SCMH1: variants seen among roughly 807,000 people sequenced by gnomAD.
The protein encoded by SCMH1 is polycomb protein SCMH1.
A neutral mutation model predicts 70.8 loss-of-function variants in SCMH1; 37 were observed. The observed-to-expected ratio is 0.52, with a 90% CI of 0.40 to 0.69. The LOEUF is 0.69. Ranked by LOEUF, SCMH1 falls within the 30% of genes least tolerant of loss-of-function variation. The probability of loss-of-function intolerance (pLI) is 0.00; values close to 1 mark genes in which losing one functional copy is unlikely to be tolerated. For synonymous variants in SCMH1, 292 were observed against 307.4 expected, an observed-to-expected ratio of 0.95 and a Z score of 0.52; for missense variants, 607 against 827.3, an observed-to-expected ratio of 0.73 and a Z score of 3.27.
At chr1:41,178,734 G>C (rs1335108109) in intron 2 of SCMH1, among the ~76,000 whole-genome samples, 3 of 152,158 alleles carry the variant, frequency 2.0e-5, no homozygotes, top group African/African-American at 7.2e-5. Flanking sequence ...GATTCATAAA[G>C]CAAGTCCTTA....
At chr1:41,227,059 G>C (rs1362074061) in intron 1 of SCMH1, among the ~76,000 whole-genome samples, 1 of 152,218 alleles carries the variant, frequency 6.6e-6, no homozygotes, top group Non-Finnish European at 1.5e-5. Flanking sequence ...CACGGATCAT[G>C]TTAGCTCTGC....
chr1:41,173,420 C>T (rs975173790), intron 2 of SCMH1, among the ~76,000 whole-genome samples: 2 of 152,148 alleles, frequency 1.3e-5, no homozygotes, highest in Non-Finnish European at 2.9e-5. Context: ...AATGAAATAT[C>T]ATCTTACCCT....
rs560833881 is a variant in SCMH1 at position 41,029,014 on chromosome 1, G to T, written c.1679-288C>A. ...GACAGTGGTACCAACATGGTAAGGG[G>T]ACTATTTGGGTGTCTGGGGGGCCTG... On this transcript the variant is annotated intron_variant, in intron 13 of 14. Coordinates refer to ENST00000337495, the Ensembl canonical transcript of SCMH1. Among the ~76,000 whole-genome samples the T allele has an allele frequency of 5.3e-5, 8 of 152,274 alleles. No individual in the cohort carries two copies. In the South Asian group the frequency reaches 8.3e-4, roughly 16 times the overall value.
At chr1:41,039,177 T>C (rs994108392) in intron 12 of SCMH1, among the ~76,000 whole-genome samples, 1 of 152,224 alleles carries the variant, frequency 6.6e-6, no homozygotes, top group Non-Finnish European at 1.5e-5. Flanking sequence ...GGGATAGTAT[T>C]GTCTGCCTCA....
chr1:41,042,729 C>G (rs1055523232), intron 12 of SCMH1, among the ~76,000 whole-genome samples: 1 of 152,224 alleles, frequency 6.6e-6, no homozygotes, highest in Non-Finnish European at 1.5e-5. Flanking sequence ...TCACCACATA[C>G]ATGTTCACAT....
chr1:41,173,652 T>C (rs1646930634), intron 2 of SCMH1, among the ~76,000 whole-genome samples: 1 of 151,902 alleles, frequency 6.6e-6, no homozygotes, highest in Non-Finnish European at 1.5e-5. Context: ...GTCGAAGAGT[T>C]ATCTGCACTC....
chr1:41,130,826 CA>C, intron 6 of SCMH1, among the ~76,000 whole-genome samples: 1 of 152,338 alleles, frequency 6.6e-6, no homozygotes, highest in South Asian at 2.1e-4. Context: ...CTGGAAACCA[CA>C]AATCTACTTT....
rs118018211 is a variant in SCMH1, at chr1:41,202,718, T to C, written c.-117-16468A>G. ...TCAGCAAGGGAATAGGAGGTAGGAG[T>C]AATATGATGGGGAGGGAGGCTCCAC... On this transcript the variant is annotated intron_variant, in intron 1 of 14. Transcript: ENST00000337495. Among the ~76,000 whole-genome samples, 119 of 151,966 alleles carry C rather than the reference T, an allele frequency of 7.8e-4. 1 individual carries two copies. In the East Asian group the frequency reaches 0.022, roughly 28 times the overall value.
At chr1:41,097,535 C>A (rs887842902) in intron 8 of SCMH1, among the ~76,000 whole-genome samples, 8 of 152,182 alleles carry the variant, frequency 5.3e-5, no homozygotes, top group African/African-American at 1.9e-4. Flanking sequence ...GTGGCACGAT[C>A]ATAGTTCACT....
At chr1:41,185,516 A>T (rs1488271622) in intron 2 of SCMH1, among the ~76,000 whole-genome samples, 1 of 152,194 alleles carries the variant, frequency 6.6e-6, no homozygotes, top group East Asian at 1.9e-4. Flanking sequence ...TGTGGCTACT[A>T]CAAAACTTTA....
In SCMH1 at chr1:41,113,088, G is replaced by A. The variant is rs1051152703; in HGVS notation, c.745+195C>T. 6.6e-6 allele frequency among the ~76,000 whole-genome samples: 1 copy of A among 152,208 alleles called. No individual in the cohort carries two copies. Among genetic ancestry groups the A allele is most frequent in the Non-Finnish European group, 1.5e-5 (1 of 68,042 alleles). ...TACTTTATCCCAAATGCCATATGCG[G>A]TTTCATTTGACACTTAATACTTAAC... On this transcript the variant is annotated intron_variant, in intron 8 of 14. Transcript: ENST00000337495. The surrounding 1 kb of genome is among the most constrained non-coding windows in gnomAD (Gnocchi z 4.3).
rs892856545 is a variant in SCMH1 at position 41,028,400 on chromosome 1, T to G, written c.1822-81A>C. The G allele has an allele frequency of 1.9e-6, 3 of 1,571,012 alleles. No homozygotes were observed. In the East Asian group the frequency reaches 6.7e-5, roughly 35 times the overall value. On this transcript the variant is annotated intron_variant, in intron 14 of 14. Transcript: ENST00000337495. ...TGGTCTGACCACCCCAGGTTCTGAT[T>G]ATAGGCCATCCTGGGAAGTGCCCGC... is the stretch of plus-strand genomic sequence containing the variant.
intron 8 of SCMH1, among the ~76,000 whole-genome samples, chr1:41,094,705 A>G (rs1474927244): frequency 6.6e-6 from 1 of 152,066 alleles, no homozygotes; most frequent in East Asian, 1.9e-4. Context: ...CCTGGCCAAC[A>G]TGATGAAACC....
rs368416914 is a variant in SCMH1 at position 41,096,632 on chromosome 1, C to A, written c.745+16651G>T. ...AAGAAATAAAACACTCATCAGGCAA[C>A]TACGGCAAAATGATACTCTTGACCC... is the stretch of plus-strand genomic sequence containing the variant. On this transcript the variant is annotated intron_variant, in intron 8 of 14. Coordinates refer to ENST00000337495, the Ensembl canonical transcript of SCMH1. Among the ~76,000 whole-genome samples, 7 of 152,258 alleles carry A rather than the reference C, an allele frequency of 4.6e-5. No homozygotes were observed. The East Asian group carries it at 1.4e-3, about 29-fold the overall frequency.
At chr1:41,173,008 C>T (rs1165145567) in intron 2 of SCMH1, among the ~76,000 whole-genome samples, 6 of 152,010 alleles carry the variant, frequency 3.9e-5, no homozygotes, top group African/African-American at 1.2e-4. Context: ...AGGAGAAATG[C>T]TTCAAGACAT....
At chr1:41,238,928 T>C (rs986459326) in intron 1 of SCMH1, among the ~76,000 whole-genome samples, 3 of 152,164 alleles carry the variant, frequency 2.0e-5, no homozygotes, top group African/African-American at 4.8e-5. Flanking sequence ...ATATCCTCCT[T>C]AGTCATCCAA....
At chr1:41,123,997 T>C (rs1476325118) in intron 6 of SCMH1, among the ~76,000 whole-genome samples, 2 of 152,118 alleles carry the variant, frequency 1.3e-5, no homozygotes, top group African/African-American at 4.8e-5. Flanking sequence ...TAGAAAGAAG[T>C]CCAGAGAAGG....
intron 1 of SCMH1, among the ~76,000 whole-genome samples, chr1:41,218,473 C>A (rs756016161): frequency 6.6e-6 from 1 of 152,000 alleles, no homozygotes; most frequent in Non-Finnish European, 1.5e-5. Flanking sequence ...ACTGCAAGCC[C>A]AGGAACACCA....
At chr1:41,107,433 G>T (rs1377336244) in intron 8 of SCMH1, among the ~76,000 whole-genome samples, 2 of 151,874 alleles carry the variant, frequency 1.3e-5, no homozygotes, top group Non-Finnish European at 2.9e-5. Context: ...CAGTCTATCA[G>T]GTGACCTCAT....
Sources: gnomAD v4.1 joint callset for allele counts (sites outside exome capture counted in the v4.1 genomes callset) on GRCh38, gnomAD v4.1.1 for gene constraint, Gnocchi (gnomAD v3.1) non-coding constraint, MANE v1.5 for transcripts, NCBI Gene and HGNC (gene_info 2026-07-23, HGNC 2026-07-21) for gene names.